Variants in EML6 observed in about 807,000 individuals in gnomAD.
EML6 encodes the protein echinoderm microtubule-associated protein-like 6.
Under a neutral mutation model 240.1 loss-of-function variants are expected in EML6, and 154 were observed. The observed-to-expected ratio is 0.64, with a 90% CI of 0.56 to 0.73. The LOEUF (loss-of-function observed/expected upper bound fraction) is 0.73, where lower values mean the gene tolerates loss of function less well. Ranked by LOEUF, EML6 falls within the 30% of genes least tolerant of loss-of-function variation. The probability of loss-of-function intolerance (pLI) is 0.00; values close to 1 mark genes in which losing one functional copy is unlikely to be tolerated. For synonymous variants in EML6, 1,148 were observed against 899.0 expected, an observed-to-expected ratio of 1.28 and a Z score of -4.95; for missense variants, 2,964 against 2,474.6, an observed-to-expected ratio of 1.20 and a Z score of -4.20.
chr2:54,931,669 T>A (rs1285841452), intron 28 of EML6, among the ~76,000 whole-genome samples: 1 of 152,194 alleles, frequency 6.6e-6, no homozygotes, highest in East Asian at 1.9e-4. Context: ...ACCTGGGTGC[T>A]TTTTCTAAAC....
intron 5 of EML6, among the ~76,000 whole-genome samples, chr2:54,824,515 T>C (rs1668494837): frequency 6.6e-6 from 1 of 152,206 alleles, no homozygotes. Context: ...ATTCCAGTCA[T>C]AAATTGAGTG....
At chr2:54,807,282 CA>C (rs1242120746) in intron 2 of EML6, among the ~76,000 whole-genome samples, 1 of 152,156 alleles carries the variant, frequency 6.6e-6, no homozygotes, top group Non-Finnish European at 1.5e-5. Flanking sequence ...ATATGTTTTA[CA>C]TTTTCCTTAT....
Position 54,964,037 on chromosome 2 carries a change from A to G in EML6, c.5209A>G (p.Ser1737Gly), listed in dbSNP as rs995159328. 6.4e-7 allele frequency: 1 copy of G among 1,551,766 alleles called. No individual in the cohort carries two copies. The highest frequency in any genetic ancestry group is 2.4e-5 in the East Asian group (1 of 40,922). ...LGHAARCAAY[S>G]PDGEMVAIGM... ...CCATGCGGCCAGGTGTGCAGCCTAC[A>G]GCCCTGATGGGGAGATGGTGGCCAT... Residue 1737 changes from serine (S) to glycine (G), a missense_variant, in exon 37 of 42, where the codon AGC becomes GGC. By Grantham distance (56) the Ser-to-Gly change is moderately conservative. Coordinates refer to ENST00000356458, the MANE Select transcript of EML6 (RefSeq NM_001039753.4).
At chr2:54,878,220 G>T (rs1167835027) in intron 16 of EML6, among the ~76,000 whole-genome samples, 3 of 152,204 alleles carry the variant, frequency 2.0e-5, no homozygotes, top group Non-Finnish European at 4.4e-5. Context: ...CTAATTTGGG[G>T]TATACTGCAG....
intron 6 of EML6, 80 bp from the exon 7 acceptor site, chr2:54,829,262 T>G (rs1338172188): frequency 7.3e-7 from 1 of 1,377,350 alleles, no homozygotes; most frequent in African/African-American, 1.5e-5. Context: ...TTGCTATGTT[T>G]TTAAATCAAC....
At chr2:54,953,822 G>A (rs1676100542) in intron 31 of EML6, among the ~76,000 whole-genome samples, 161 bp from the exon 32 acceptor site, 1 of 151,784 alleles carries the variant, frequency 6.6e-6, no homozygotes, top group Admixed American at 6.6e-5. Context: ...AGGACGTGGA[G>A]GTTGCGGTGA....
intron 2 of EML6, among the ~76,000 whole-genome samples, chr2:54,808,473 C>T (rs1487081567): frequency 6.6e-6 from 1 of 151,632 alleles, no homozygotes; most frequent in South Asian, 2.1e-4. Context: ...ATCTTCAGGG[C>T]AGGGAGGGAG....
chr2:54,797,180 A>AAAAAAAAAAAAAC, intron 2 of EML6, among the ~76,000 whole-genome samples: 1 of 147,078 alleles, frequency 6.8e-6, no homozygotes, highest in Admixed American at 6.8e-5. Context: ...AAAAAAAAAA[A>AAAAAAAAAAAAAC]AAAAAAAAAC....
chr2:54,878,686 G>A (rs552634226), intron 16 of EML6, among the ~76,000 whole-genome samples: 7 of 152,214 alleles, frequency 4.6e-5, no homozygotes, highest in South Asian at 4.1e-4. Flanking sequence ...GCAGACAAGC[G>A]ATGTGAAAAC....
intron 4 of EML6, among the ~76,000 whole-genome samples, chr2:54,818,466 G>A (rs958469197): frequency 6.6e-5 from 10 of 152,120 alleles, no homozygotes; most frequent in South Asian, 4.1e-4. Flanking sequence ...AAGCAAATTC[G>A]GTGCTGAAAC....
intron 5 of EML6, among the ~76,000 whole-genome samples, chr2:54,821,464 CA>C (rs1221778132): frequency 1.3e-5 from 2 of 152,202 alleles, no homozygotes; most frequent in East Asian, 3.9e-4. Flanking sequence ...CATTTATCTC[CA>C]AATTTATATT....
chr2:54,876,025 T>A (rs1279160688), intron 16 of EML6, among the ~76,000 whole-genome samples: 2 of 152,334 alleles, frequency 1.3e-5, no homozygotes, highest in East Asian at 3.9e-4. Flanking sequence ...TGAATAAAAC[T>A]TTGTCTAATT....
At position 54,952,640 on chromosome 2, in the gene EML6, C is replaced by G. The variant is rs1383779817; in HGVS notation, c.4260C>G (p.Leu1420=). The G allele has an allele frequency of 3.2e-6, 5 of 1,551,496 alleles. No individual in the cohort carries two copies. Among genetic ancestry groups the G allele is most frequent in the Non-Finnish European group, 4.4e-6 (5 of 1,146,944 alleles). ...AGCACACAGATGACATCCTCTGTCT[C>G]ACAGTGAACCAGCACCCCAAGTACA... ...YLEHTDDILC[L]TVNQHPKYRN... Residue 1420 remains leucine, a synonymous_variant, in exon 31 of 42, where the codon CTC becomes CTG. Transcript: ENST00000356458.
chr2:54,916,556 G>A (rs1673919155), intron 25 of EML6, among the ~76,000 whole-genome samples: 1 of 152,060 alleles, frequency 6.6e-6, no homozygotes, highest in Non-Finnish European at 1.5e-5. Context: ...AAAAACATTT[G>A]GGTATTTGAC....
chr2:54,949,032 C>A (rs776643690), intron 29 of EML6, 72 bp downstream of exon 29: 1 of 1,123,736 alleles, frequency 8.9e-7, no homozygotes, highest in Non-Finnish European at 1.3e-6. Flanking sequence ...CCCATCTGCA[C>A]GTCCCAAAGA....
chr2:54,817,602 T>A (rs1033780032), intron 4 of EML6, among the ~76,000 whole-genome samples: 2 of 152,176 alleles, frequency 1.3e-5, no homozygotes, highest in Admixed American at 1.3e-4. Flanking sequence ...TTGGAAGAAT[T>A]GTCTTGGGCC....
chr2:54,919,217 G>A (rs1007994846), intron 26 of EML6, among the ~76,000 whole-genome samples: 15 of 147,590 alleles, frequency 1.0e-4, no homozygotes, highest in Non-Finnish European at 1.8e-4. Context: ...ATTGAGAAGT[G>A]TTCCTAACTT....
chr2:54,824,405 G>A lies in EML6; in HGVS notation c.526-3161G>A, dbSNP rs182354173. Among the ~76,000 whole-genome samples, 157 of 152,044 alleles carry A rather than the reference G, an allele frequency of 1.0e-3. No homozygotes were observed. In the Middle Eastern group the frequency reaches 0.017, roughly 16 times the overall value. On this transcript the variant is annotated intron_variant, in intron 5 of 41. Coordinates refer to ENST00000356458, the MANE Select transcript of EML6 (RefSeq NM_001039753.4). ...GCTTAGAAATATAATACATTTAAGC[G>A]GACTTCAAAAAATTATTTTTGCTGT...
intron 16 of EML6, 142 bp downstream of exon 16, chr2:54,871,747 A>G (rs1161418376): frequency 6.0e-6 from 4 of 669,594 alleles, no homozygotes; most frequent in African/African-American, 1.8e-5. Flanking sequence ...TTGAAGTACA[A>G]GCTCTTTGTA....
Sources: gnomAD v4.1 joint callset for allele counts (sites outside exome capture counted in the v4.1 genomes callset) on GRCh38, gnomAD v4.1.1 for gene constraint, MANE v1.5 for transcripts, NCBI Gene and HGNC (gene_info 2026-07-23, HGNC 2026-07-21) for gene names.